EIF2AK2: variants seen among roughly 807,000 people sequenced by gnomAD.
EIF2AK2 encodes interferon-induced, double-stranded RNA-activated protein kinase.
A neutral mutation model predicts 70.5 loss-of-function variants in EIF2AK2; 40 were observed. The ratio of observed to expected loss-of-function variants is 0.57; its 90% CI spans 0.44 to 0.74. The LOEUF (loss-of-function observed/expected upper bound fraction) is 0.74. EIF2AK2 is among the 30% of genes least tolerant of loss of function. The probability of loss-of-function intolerance (pLI) is 0.00; values close to 1 mark genes in which losing one functional copy is unlikely to be tolerated. For synonymous variants in EIF2AK2, 198 were observed against 220.9 expected, an observed-to-expected ratio of 0.90 and a Z score of 0.92; for missense variants, 555 against 644.3, an observed-to-expected ratio of 0.86 and a Z score of 1.50.
chr2:37,153,536 G>T (rs553312154), intron 1 of EIF2AK2, among the ~76,000 whole-genome samples: 1 of 151,728 alleles, frequency 6.6e-6, no homozygotes. Flanking sequence ...TTCTGTCTCT[G>T]TAAATTTGCC....
At chr2:37,127,774 G>A (rs532344169) in intron 10 of EIF2AK2, among the ~76,000 whole-genome samples, 15 of 138,794 alleles carry the variant, frequency 1.1e-4, no homozygotes, top group South Asian at 8.8e-4. Flanking sequence ...ACAGAGTCTC[G>A]TTCTGTCACC....
At chr2:37,107,420 G>A in intron 16 of EIF2AK2, 25 bp from the exon 17 acceptor site, 2 of 1,610,624 alleles carry the variant, frequency 1.2e-6, no homozygotes, top group African/African-American at 1.3e-5. Context: ...AGAGTCAATA[G>A]TAAGAAATAA....
intron 13 of EIF2AK2, among the ~76,000 whole-genome samples, chr2:37,119,344 G>A (rs1674453320): frequency 6.6e-6 from 1 of 152,152 alleles, no homozygotes; most frequent in Admixed American, 6.5e-5. Flanking sequence ...GCCCTCGCGA[G>A]TAATGACTGA....
chr2:37,110,322 T>G (rs1214225109), intron 14 of EIF2AK2, among the ~76,000 whole-genome samples: 1 of 151,644 alleles, frequency 6.6e-6, no homozygotes, highest in Non-Finnish European at 1.5e-5. Flanking sequence ...CTCAAACCCC[T>G]TGACCTGAGG....
At chr2:37,116,739 C>T (rs893052103) in intron 13 of EIF2AK2, among the ~76,000 whole-genome samples, 2 of 152,186 alleles carry the variant, frequency 1.3e-5, no homozygotes, top group African/African-American at 4.8e-5. Flanking sequence ...CATTCCTATG[C>T]TATGTTCAAG....
At chr2:37,117,074 A>C (rs896920954) in intron 13 of EIF2AK2, among the ~76,000 whole-genome samples, 1 of 151,894 alleles carries the variant, frequency 6.6e-6, no homozygotes, top group Non-Finnish European at 1.5e-5. Flanking sequence ...TTATCTGGGC[A>C]TCATGGCAGG....
chr2:37,135,011 T>C (rs1558421790), intron 10 of EIF2AK2, among the ~76,000 whole-genome samples: 1 of 152,198 alleles, frequency 6.6e-6, no homozygotes, highest in Non-Finnish European at 1.5e-5. Flanking sequence ...TTTAAAGCTC[T>C]TTCCACAGAA....
chr2:37,146,779 G>A (rs559803208), intron 4 of EIF2AK2, 74 bp downstream of exon 4: 655 of 1,554,068 alleles, frequency 4.2e-4, no homozygotes, highest in Non-Finnish European at 5.3e-4. Flanking sequence ...CTGTATGAAA[G>A]TATTTTCTCA....
rs1224446044 is a variant in EIF2AK2, at chr2:37,122,543, T to A, written c.1030A>T (p.Ser344Cys). 2 of 1,613,976 alleles carry A rather than the reference T, an allele frequency of 1.2e-6. No individual in the cohort carries two copies. Among genetic ancestry groups the A allele is most frequent in the Admixed American group, 3.3e-5 (2 of 59,956 alleles). ...TTGCTGTTCTCAGGATCATAATCAC[T>A]GCTCTCAAGAGAATCATCACTGGTC... The part of the protein sequence containing the change: ...PETSDDSLES[S>C]DYDPENSKNS... The change falls in exon 12 of 17, where the codon AGT becomes TGT. Residue 344 changes from serine to cysteine, a missense_variant. By Grantham distance (112) the Ser-to-Cys change is moderately radical. Transcript: ENST00000233057.
At chr2:37,113,830 T>C (rs1674244121) in intron 14 of EIF2AK2, among the ~76,000 whole-genome samples, 1 of 152,220 alleles carries the variant, frequency 6.6e-6, no homozygotes, top group African/African-American at 2.4e-5. Context: ...AGTATGATGA[T>C]GCAGTATTCT....
At chr2:37,126,198 T>A in intron 11 of EIF2AK2, 91 bp downstream of exon 11, 3 of 1,429,662 alleles carry the variant, frequency 2.1e-6, no homozygotes, top group Non-Finnish European at 2.8e-6. Context: ...AAATAAATGA[T>A]ACCCTAATAA....
intron 15 of EIF2AK2, among the ~76,000 whole-genome samples, chr2:37,108,333 T>C (rs1323393736): frequency 6.6e-6 from 1 of 152,072 alleles, no homozygotes; most frequent in African/African-American, 2.4e-5. Context: ...TGTCCCCAAA[T>C]ACACTCTGTA....
chr2:37,115,221 T>TTTTG, intron 13 of EIF2AK2: 1 of 190,648 alleles, frequency 5.2e-6, no homozygotes, highest in Admixed American at 6.0e-5. Context: ...CTAGTTTTTT[T>TTTTG]TTTTTTTTTT....
At position 37,103,635 on chromosome 2, in the gene EIF2AK2, C is replaced by T. The variant is rs1327601710; in HGVS notation, c.*3638G>A. On this transcript the variant is annotated 3_prime_UTR_variant, in exon 17 of 17. Transcript: ENST00000233057. ...TTTTTTAAAAAAAGATTTCTCTCTA[C>T]GCAGAACATTTCCAAATCTACAGAA... 3.9e-5 allele frequency: 6 copies of T among 152,148 alleles called. No individual in the cohort carries two copies. The highest frequency in any genetic ancestry group is 2.0e-4 in the Admixed American group (3 of 15,266). The allele number at this position is 152,148 out of a possible 1,614,324, so 9.4% of individuals were successfully genotyped here. A position where few individuals can be genotyped will look rare whatever the true frequency, so the allele number is the denominator to read the frequency against.
chr2:37,122,692 A>G, intron 11 of EIF2AK2, 28 bp from the exon 12 acceptor site: 2 of 1,613,844 alleles, frequency 1.2e-6, no homozygotes, highest in Non-Finnish European at 1.7e-6. Context: ...GGAACATGGC[A>G]GTGTCAGTGT....
At chr2:37,155,016 G>C (rs567804403) in intron 1 of EIF2AK2, among the ~76,000 whole-genome samples, 34 of 151,494 alleles carry the variant, frequency 2.2e-4, no homozygotes, top group African/African-American at 7.8e-4. Context: ...CCGGTCCTTA[G>C]ACTTGCTCTT....
chr2:37,150,833 C>T (rs1173467679), intron 1 of EIF2AK2, among the ~76,000 whole-genome samples: 2 of 152,176 alleles, frequency 1.3e-5, no homozygotes, highest in African/African-American at 2.4e-5. Context: ...AAAATCTCCC[C>T]TCTGAATTTT....
chr2:37,108,341 G>T (rs1195522429), intron 15 of EIF2AK2, among the ~76,000 whole-genome samples: 1 of 151,948 alleles, frequency 6.6e-6, no homozygotes, highest in African/African-American at 2.4e-5. Flanking sequence ...AATACACTCT[G>T]TACATTCCCG....
chr2:37,140,607 C>G lies in EIF2AK2; in HGVS notation c.390-850G>C, dbSNP rs560343157. On this transcript the variant is annotated intron_variant, in intron 5 of 16. Transcript: ENST00000233057. ...CTATTTTTTTCAGATACTGCCCCCCCCCGCAAACAGATTTCTTCTTTCTTT... is the reference window on the plus strand; with the variant it reads ...CTATTTTTTTCAGATACTGCCCCCCGCCGCAAACAGATTTCTTCTTTCTTT... Among the ~76,000 whole-genome samples the G allele has an allele frequency of 6.5e-4, 99 of 151,726 alleles. 1 individual carries two copies. The highest frequency in any genetic ancestry group is 7.3e-4 in the African/African-American group (30 of 41,226).
Sources: gnomAD v4.1 joint callset for allele counts (sites outside exome capture counted in the v4.1 genomes callset) on GRCh38, gnomAD v4.1.1 for gene constraint, MANE v1.5 for transcripts, NCBI Gene and HGNC (gene_info 2026-07-23, HGNC 2026-07-21) for gene names.